Variants in LCA5L observed in about 807,000 individuals in gnomAD.
The protein encoded by LCA5L is lebercilin-like protein.
In LCA5L, 35 loss-of-function variants were observed where a neutral mutation model predicts 45.4. That is an observed-to-expected ratio of 0.77 (90% confidence interval 0.59 to 1.02). LCA5L has a LOEUF of 1.02. LCA5L is among the 50% of genes least tolerant of loss of function. The probability of loss-of-function intolerance (pLI) is 0.00; values close to 1 mark genes in which losing one functional copy is unlikely to be tolerated. For missense variants in LCA5L, 668 were observed against 761.6 expected (o/e 0.88, Z 1.45); for synonymous variants, 233 against 264.7 (o/e 0.88, Z 1.16).
chr21:39,405,833 C>T lies in LCA5L; in HGVS notation c.*49G>A. 1 of 1,356,448 alleles carries T rather than the reference C, an allele frequency of 7.4e-7. No individual in the cohort carries two copies. Among genetic ancestry groups the T allele is most frequent in the Non-Finnish European group, 9.9e-7 (1 of 1,009,462 alleles). 84.0% of individuals were successfully genotyped at this position (1,356,448 alleles called of 1,614,324 possible). On this transcript the variant is annotated 3_prime_UTR_variant, in exon 11 of 11. Coordinates refer to ENST00000288350, the MANE Select transcript of LCA5L (RefSeq NM_152505.4). ...CATTTCAAAAATAAGATGCAAGGCA[C>T]ATAAGCAGCATTATATCAAACCAGA...
rs201977093 is a variant in LCA5L at position 39,411,762 on chromosome 21, T to C, written c.1016A>G (p.His339Arg). Residue 339 changes from histidine (H) to arginine (R), a missense_variant, in exon 8 of 11, where the codon CAT becomes CGT. Coordinates refer to ENST00000288350, the MANE Select transcript of LCA5L (RefSeq NM_152505.4). The stretch of plus-strand genomic sequence containing the variant: ...GTCATGTAAATTTTTAAGTATTCGA[T>C]GACTATAGATGTTTTTAATTTCAAG... ...RELEIKNIYS[H>R]RILKNLHDTE... is the part of the protein sequence containing the mutation. The C allele has an allele frequency of 8.2e-6, 13 of 1,589,446 alleles. No individual in the cohort carries two copies. The highest frequency in any genetic ancestry group is 1.0e-5 in the Non-Finnish European group (12 of 1,163,452).
intron 5 of LCA5L, among the ~76,000 whole-genome samples, chr21:39,424,713 AT>A (rs2074356455): frequency 6.6e-6 from 1 of 152,150 alleles, no homozygotes; most frequent in African/African-American, 2.4e-5. Context: ...ACAGATACCG[AT>A]TTTCCATCTC....
Position 39,409,884 on chromosome 21 carries a change from A to G in LCA5L, c.1282+95T>C, listed in dbSNP as rs528139093. The G allele has an allele frequency of 8.4e-6, 6 of 714,750 alleles. No individual in the cohort carries two copies. In the South Asian group the frequency reaches 1.1e-4, roughly 13 times the overall value. The allele number at this position is 714,750 out of a possible 1,614,324, so 44.3% of individuals were successfully genotyped here. On this transcript the variant is annotated intron_variant, in intron 10 of 10. Transcript: ENST00000288350. The surrounding 1 kb of genome is among the most constrained non-coding windows in gnomAD (Gnocchi z 4.2). ...GCTGGGATTACAGGTGCGAGCTGCC[A>G]TGCCCAGCTGTTTTATGTGTGCTTT...
intron 6 of LCA5L, among the ~76,000 whole-genome samples, chr21:39,421,105 T>G (rs1335691770): frequency 2.6e-5 from 4 of 151,622 alleles, no homozygotes; most frequent in African/African-American, 7.3e-5. Flanking sequence ...CAATTCGTTT[T>G]TTTTTTTTTT....
chr21:39,430,182 C>T (rs1012491307), intron 3 of LCA5L, among the ~76,000 whole-genome samples: 10 of 152,184 alleles, frequency 6.6e-5, no homozygotes, highest in African/African-American at 1.9e-4. Context: ...TGACCTCAGT[C>T]CCTAATTTCC....
At chr21:39,411,220 G>T (rs1453169056) in intron 8 of LCA5L, 4 of 248,440 alleles carry the variant, frequency 1.6e-5, no homozygotes, top group African/African-American at 4.6e-5. Context: ...TGAGGTAGGG[G>T]ACTACTGACT....
chr21:39,414,736 C>CTGTGTGTGTGTG (rs1445537335), intron 7 of LCA5L, among the ~76,000 whole-genome samples: 6 of 92,200 alleles, frequency 6.5e-5, no homozygotes, highest in Admixed American at 1.3e-4. Context: ...CTCTCTCTCT[C>CTGTGTGTGTGTG]TCTCTCTGTG....
chr21:39,438,244 A>T (rs1018283057), intron 2 of LCA5L, among the ~76,000 whole-genome samples: 2 of 152,202 alleles, frequency 1.3e-5, no homozygotes, highest in Non-Finnish European at 2.9e-5. Flanking sequence ...AAGGTAGAGA[A>T]AGTGGACTTC....
At chr21:39,410,628 G>T (rs1436452864) in intron 8 of LCA5L, among the ~76,000 whole-genome samples, 1 of 152,108 alleles carries the variant, frequency 6.6e-6, no homozygotes, top group Non-Finnish European at 1.5e-5. Context: ...GGAGGACAAG[G>T]CTGTCCTTTG....
intron 5 of LCA5L, among the ~76,000 whole-genome samples, chr21:39,424,634 G>A (rs2074331812): frequency 6.6e-6 from 1 of 152,186 alleles, no homozygotes; most frequent in African/African-American, 2.4e-5. Context: ...AGAATCCAAT[G>A]TAAAGAACTT....
chr21:39,422,753 T>C, intron 6 of LCA5L: 1 of 573,058 alleles, frequency 1.7e-6, no homozygotes. Flanking sequence ...TGAACTCTTG[T>C]GCACTGCAAC....
At chr21:39,435,670 A>G (rs1450152605) in intron 2 of LCA5L, 97 bp from the exon 3 acceptor site, 1 of 152,184 alleles carries the variant, frequency 6.6e-6, no homozygotes, top group Non-Finnish European at 1.5e-5. Context: ...ATTAATATAT[A>G]TATATTCCCT....
At chr21:39,413,880 A>G (rs2040540143) in intron 7 of LCA5L, 1 of 152,420 alleles carries the variant, frequency 6.6e-6, no homozygotes, top group Admixed American at 6.5e-5. Context: ...GAGGTCAGCA[A>G]CCGAGAGCAG....
intron 2 of LCA5L, among the ~76,000 whole-genome samples, chr21:39,443,082 TGA>T (rs1412191157): frequency 1.3e-5 from 2 of 152,142 alleles, no homozygotes; most frequent in African/African-American, 4.8e-5. Flanking sequence ...CAGATGCCGC[TGA>T]GAGATTGAGC....
At chr21:39,418,166 A>G (rs1017792470) in intron 7 of LCA5L, among the ~76,000 whole-genome samples, 4 of 152,146 alleles carry the variant, frequency 2.6e-5, no homozygotes, top group African/African-American at 7.2e-5. Context: ...ATTACCTCCC[A>G]CTGGGTCCCT....
At chr21:39,408,526 C>G (rs1437842874) in intron 10 of LCA5L, 2 of 152,336 alleles carry the variant, frequency 1.3e-5, no homozygotes, top group African/African-American at 2.4e-5. Context: ...CCTCCAGGTC[C>G]CAAACACCAG....
chr21:39,436,582 C>T (rs9983100), intron 2 of LCA5L, among the ~76,000 whole-genome samples: 78,120 of 151,858 alleles, frequency 0.51, 20,503 homozygotes, highest in East Asian at 0.67. Flanking sequence ...CCTGGGCTCA[C>T]GCGATCCTCC....
At chr21:39,414,738 C>T (rs200291081) in intron 7 of LCA5L, among the ~76,000 whole-genome samples, 1 of 107,328 alleles carries the variant, frequency 9.3e-6, no homozygotes, top group African/African-American at 3.9e-5. Context: ...CTCTCTCTCT[C>T]TCTCTGTGTG....
rs1245987118 is a variant in LCA5L at position 39,409,768 on chromosome 21, T to C, written c.1282+211A>G. Reference sequence around the variant, plus strand: ...CCGCCATGTGCGGTTAAGTTTTGTATTTTTTAGTAGAGATAGGGTTTCACC... The same window carrying C: ...CCGCCATGTGCGGTTAAGTTTTGTACTTTTTAGTAGAGATAGGGTTTCACC... On this transcript the variant is annotated intron_variant, in intron 10 of 10. Transcript: ENST00000288350. The surrounding 1 kb of genome is among the most constrained non-coding windows in gnomAD (Gnocchi z 4.2). Among the ~76,000 whole-genome samples, 5 of 152,044 alleles carry C rather than the reference T, an allele frequency of 3.3e-5. No individual in the cohort carries two copies. The highest frequency in any genetic ancestry group is 7.4e-5 in the Non-Finnish European group (5 of 67,996).
Sources: allele counts gnomAD v4.1 joint callset (sites outside exome capture counted in the v4.1 genomes callset), GRCh38; gene constraint gnomAD v4.1.1; non-coding constraint Gnocchi (gnomAD v3.1); transcripts MANE v1.5; gene names NCBI Gene and HGNC (gene_info 2026-07-23, HGNC 2026-07-21).